Variants in AGBL4 observed in about 807,000 individuals in gnomAD.
The protein encoded by AGBL4 is AGBL carboxypeptidase 4, also known as cytosolic carboxypeptidase 6.
In AGBL4, 58 loss-of-function variants were observed where a neutral mutation model predicts 66.4. That is an observed-to-expected ratio of 0.87 (90% CI 0.71 to 1.09). The LOEUF is 1.09. Among genes scored for constraint, AGBL4 ranks in the 50% least tolerant of loss-of-function variants. The pLI is 0.00. For missense variants in AGBL4, 579 were observed against 631.0 expected (o/e 0.92, Z 0.88); for synonymous variants, 234 against 222.9 (o/e 1.05, Z -0.44).
At chr1:48,864,474 T>C (rs1335760317) in intron 6 of AGBL4, among the ~76,000 whole-genome samples, 1 of 152,216 alleles carries the variant, frequency 6.6e-6, no homozygotes, top group Non-Finnish European at 1.5e-5. Context: ...ACAAAAATGC[T>C]CTAAGCAGCA....
At chr1:49,968,680 C>A (rs1657782797) in intron 1 of AGBL4, among the ~76,000 whole-genome samples, 1 of 152,150 alleles carries the variant, frequency 6.6e-6, no homozygotes, top group South Asian at 2.1e-4. Context: ...ATTCTGAATT[C>A]CTAGAAGGCT....
intron 5 of AGBL4, among the ~76,000 whole-genome samples, chr1:48,959,594 A>T (rs1312916715): frequency 6.6e-6 from 1 of 152,204 alleles, no homozygotes; most frequent in African/African-American, 2.4e-5. Flanking sequence ...CTTAGATAGG[A>T]TGGTCAGGGA....
chr1:50,008,820 C>T (rs886995899), intron 1 of AGBL4, among the ~76,000 whole-genome samples: 1 of 151,942 alleles, frequency 6.6e-6, no homozygotes, highest in Non-Finnish European at 1.5e-5. Flanking sequence ...AAAGAAGACA[C>T]TAAAATTGAT....
intron 3 of AGBL4, among the ~76,000 whole-genome samples, chr1:49,450,223 C>G (rs1368587468): frequency 6.6e-6 from 1 of 152,024 alleles, no homozygotes; most frequent in East Asian, 1.9e-4. Flanking sequence ...CTATTTAAAT[C>G]CTGGCTCTAT....
At chr1:48,897,410 G>T (rs1651623586) in intron 5 of AGBL4, among the ~76,000 whole-genome samples, 1 of 152,064 alleles carries the variant, frequency 6.6e-6, no homozygotes, top group Non-Finnish European at 1.5e-5. Flanking sequence ...TCCGTATCTT[G>T]GCTATTGTGA....
intron 5 of AGBL4, among the ~76,000 whole-genome samples, chr1:49,014,911 C>G (rs575714584): frequency 1.3e-5 from 2 of 152,338 alleles, no homozygotes; most frequent in South Asian, 4.1e-4. Context: ...GAGAGATACA[C>G]AGTTATCTTA....
At chr1:49,882,035 T>C (rs1178819566) in intron 1 of AGBL4, among the ~76,000 whole-genome samples, 3 of 152,136 alleles carry the variant, frequency 2.0e-5, no homozygotes, top group Non-Finnish European at 4.4e-5. Context: ...AACGTTTAAG[T>C]CTTTAATCCA....
chr1:49,362,528 T>C (rs1174906516), intron 3 of AGBL4, among the ~76,000 whole-genome samples: 1 of 151,514 alleles, frequency 6.6e-6, no homozygotes, highest in Non-Finnish European at 1.5e-5. Flanking sequence ...CTGAAAACTT[T>C]CTAGAACTCA....
At chr1:49,948,053 T>TATATATATACATATAAATATATAA (rs1557608091) in intron 1 of AGBL4, among the ~76,000 whole-genome samples, 4 of 6,126 alleles carry the variant, frequency 6.5e-4, no homozygotes, top group Admixed American at 4.6e-3. Flanking sequence ...AATATATAAA[T>TATATATATACATATAAATATATAA]ATATATATGT....
chr1:48,870,828 T>C (rs1648582873), intron 5 of AGBL4, among the ~76,000 whole-genome samples: 1 of 152,182 alleles, frequency 6.6e-6, no homozygotes, highest in African/African-American at 2.4e-5. Flanking sequence ...ATGCGTAGGC[T>C]GTTGTTTTAA....
chr1:50,016,937 T>C (rs545943831), intron 1 of AGBL4, among the ~76,000 whole-genome samples: 21 of 152,120 alleles, frequency 1.4e-4, no homozygotes, highest in Non-Finnish European at 2.6e-4. Flanking sequence ...CACTACTGAG[T>C]ATATACCCAA....
intron 2 of AGBL4, among the ~76,000 whole-genome samples, chr1:49,737,398 G>T (rs1558205762): frequency 6.6e-6 from 1 of 152,186 alleles, no homozygotes; most frequent in Admixed American, 6.5e-5. Flanking sequence ...GGATGCAGCT[G>T]GAGGCCATTA....
At chr1:48,846,956 C>T (rs1646930865) in intron 6 of AGBL4, among the ~76,000 whole-genome samples, 1 of 152,044 alleles carries the variant, frequency 6.6e-6, no homozygotes, top group Admixed American at 6.5e-5. Flanking sequence ...ATAGTTATCC[C>T]TTTGCACATG....
chr1:49,384,299 T>C (rs1644687736), intron 3 of AGBL4, among the ~76,000 whole-genome samples: 1 of 151,898 alleles, frequency 6.6e-6, no homozygotes, highest in Non-Finnish European at 1.5e-5. Context: ...GAAAAGAAGA[T>C]ATAAAAATGG....
In AGBL4 at chr1:48,539,239, T is replaced by C. The variant is rs142853662; in HGVS notation, c.1364+403A>G. Reference sequence around the variant, plus strand: ...ACACATATCTCATAATAATCATGTATGTGAGGACTGCTGTCCTCACTTTAT... The same window carrying C: ...ACACATATCTCATAATAATCATGTACGTGAGGACTGCTGTCCTCACTTTAT... On this transcript the variant is annotated intron_variant, in intron 12 of 13. Transcript: ENST00000371839. 3.3e-4 allele frequency among the ~76,000 whole-genome samples: 50 copies of C among 152,344 alleles called. No homozygotes were observed. The East Asian group carries it at 8.5e-3, about 26-fold the overall frequency.
At chr1:48,939,753 CCTT>C (rs1285451473) in intron 5 of AGBL4, among the ~76,000 whole-genome samples, 3 of 152,216 alleles carry the variant, frequency 2.0e-5, no homozygotes, top group Non-Finnish European at 4.4e-5. Context: ...GGTTTGCTCT[CCTT>C]CTTCAAAGAG....
chr1:48,842,475 G>C (rs1321130050), intron 6 of AGBL4, among the ~76,000 whole-genome samples: 1 of 152,076 alleles, frequency 6.6e-6, no homozygotes, highest in East Asian at 1.9e-4. Context: ...TCTTCCCATG[G>C]ATTATTGACC....
intron 5 of AGBL4, among the ~76,000 whole-genome samples, chr1:49,013,139 T>C (rs189306098): frequency 6.6e-6 from 1 of 152,290 alleles, no homozygotes. Context: ...TTACCCAGTC[T>C]CAGGTATTCA....
chr1:49,675,962 G>A (rs1646570668), intron 3 of AGBL4, among the ~76,000 whole-genome samples: 2 of 152,108 alleles, frequency 1.3e-5, no homozygotes. Flanking sequence ...TGTGAGAGTA[G>A]TGCCGATAAA....
Sources: allele counts gnomAD v4.1 joint callset (sites outside exome capture counted in the v4.1 genomes callset), GRCh38; gene constraint gnomAD v4.1.1; transcripts MANE v1.5; gene names NCBI Gene and HGNC (gene_info 2026-07-23, HGNC 2026-07-21).